The following LRRC4C variants were observed in gnomAD, a reference collection of about 807,000 sequenced individuals.
LRRC4C encodes leucine-rich repeat-containing protein 4C.
A neutral mutation model predicts 33.6 loss-of-function variants in LRRC4C; 5 were observed. The observed-to-expected ratio is 0.15, with a 90% CI of 0.08 to 0.31. LRRC4C has a LOEUF of 0.31. Among genes scored for constraint, LRRC4C ranks in the 10% least tolerant of loss-of-function variants. LRRC4C has a pLI of 1.00. For synonymous variants in LRRC4C, 329 were observed against 302.0 expected, an observed-to-expected ratio of 1.09 and a Z score of -0.93; for missense variants, 560 against 796.7, an observed-to-expected ratio of 0.70 and a Z score of 3.58.
chr11:40,459,472 C>T (rs866611824), intron 3 of LRRC4C, among the ~76,000 whole-genome samples: 1 of 152,146 alleles, frequency 6.6e-6, no homozygotes, highest in African/African-American at 2.4e-5. Context: ...AATGATATTA[C>T]AGACACTGCC....
intron 1 of LRRC4C, among the ~76,000 whole-genome samples, chr11:41,090,369 T>C (rs180757570): frequency 2.0e-5 from 3 of 152,288 alleles, no homozygotes; most frequent in South Asian, 4.1e-4. Context: ...GTTGTTTATT[T>C]TTGGTTTTAT....
intron 3 of LRRC4C, among the ~76,000 whole-genome samples, chr11:40,567,104 T>C (rs1957796701): frequency 6.6e-6 from 1 of 152,144 alleles, no homozygotes; most frequent in Admixed American, 6.5e-5. Flanking sequence ...TGAGTGTGTA[T>C]TATGTGGAAT....
rs371461809 is a variant in LRRC4C at position 40,122,952 on chromosome 11, T to TACACACAC, written c.-42-6626_-42-6619dup. Among the ~76,000 whole-genome samples, 464 of 140,388 alleles carry TACACACAC rather than the reference T, an allele frequency of 3.3e-3. 3 individuals carry two copies. The highest frequency in any genetic ancestry group is 0.013 in the South Asian group (52 of 4,138). 92.1% of individuals were successfully genotyped at this position (140,388 alleles called of 152,430 possible). ...AAGTGTATGTGTATATATATATTTATACACACACACACACACACACACACA... is the reference window on the plus strand; with the variant it reads ...AAGTGTATGTGTATATATATATTTATACACACACACACACACACACACACACACACACA... On this transcript the variant is annotated intron_variant, in intron 6 of 6. Coordinates refer to ENST00000528697, the MANE Select transcript of LRRC4C (RefSeq NM_001258419.2).
rs1375467295 is a variant in LRRC4C at position 40,311,727 on chromosome 11, A to G, written c.-176+7901T>C. On this transcript the variant is annotated intron_variant, in intron 4 of 6. Coordinates refer to ENST00000528697, the MANE Select transcript of LRRC4C (RefSeq NM_001258419.2). ...TTTGGGAGGCCGAGATGGGCGATAC[A>G]CAAGGTCAAGAGATCGAGACCATCC... is the stretch of plus-strand genomic sequence containing the variant. Among the ~76,000 whole-genome samples, 6 of 152,188 alleles carry G rather than the reference A, an allele frequency of 3.9e-5. No individual in the cohort carries two copies. In the East Asian group the frequency reaches 1.2e-3, roughly 30 times the overall value.
intron 1 of LRRC4C, among the ~76,000 whole-genome samples, chr11:41,011,041 G>C (rs1450947794): frequency 6.6e-6 from 1 of 151,882 alleles, no homozygotes. Flanking sequence ...GACCTCTTTG[G>C]GTATATACAC....
At chr11:41,015,314 T>C in intron 1 of LRRC4C, among the ~76,000 whole-genome samples, 1 of 152,310 alleles carries the variant, frequency 6.6e-6, no homozygotes, top group South Asian at 2.1e-4. Context: ...TTTATTTATA[T>C]ATTTTAAAAT....
intron 1 of LRRC4C, among the ~76,000 whole-genome samples, chr11:41,206,585 T>C (rs1481429171): frequency 2.0e-5 from 3 of 152,170 alleles, no homozygotes. Flanking sequence ...TATTTTCAAA[T>C]GCCCTTTGAG....
chr11:40,303,014 A>G (rs1454926902), intron 4 of LRRC4C, among the ~76,000 whole-genome samples: 1 of 152,308 alleles, frequency 6.6e-6, no homozygotes, highest in Non-Finnish European at 1.5e-5. Flanking sequence ...AGCCACATCA[A>G]GAATTATTAT....
chr11:40,263,293 G>A (rs10734480), intron 4 of LRRC4C, among the ~76,000 whole-genome samples: 106,121 of 151,972 alleles, frequency 0.7, 39,116 homozygotes, highest in East Asian at 0.92. Context: ...GTGTGACAGA[G>A]TTGCCTACAG....
intron 3 of LRRC4C, among the ~76,000 whole-genome samples, chr11:40,437,850 G>A (rs1951210342): frequency 2.6e-5 from 4 of 152,182 alleles, no homozygotes; most frequent in Admixed American, 2.6e-4. Flanking sequence ...TGGGACTACA[G>A]GCACATGCCA....
chr11:40,687,465 C>A (rs1945018729), intron 2 of LRRC4C, among the ~76,000 whole-genome samples: 1 of 151,888 alleles, frequency 6.6e-6, no homozygotes. Flanking sequence ...TGGTCATGAT[C>A]ATATTTTAAT....
chr11:40,650,418 G>A (rs1044327018), intron 2 of LRRC4C, among the ~76,000 whole-genome samples: 3 of 152,086 alleles, frequency 2.0e-5, no homozygotes, highest in Non-Finnish European at 4.4e-5. Context: ...TCCTAACAAG[G>A]AAAGTAACCT....
intron 2 of LRRC4C, among the ~76,000 whole-genome samples, chr11:40,872,231 A>T (rs956581222): frequency 1.3e-5 from 2 of 152,046 alleles, no homozygotes; most frequent in African/African-American, 4.8e-5. Context: ...CAAGCCTGCC[A>T]GCTACTCTGA....
intron 2 of LRRC4C, among the ~76,000 whole-genome samples, chr11:40,898,864 G>T (rs540360314): frequency 4.2e-4 from 64 of 151,918 alleles, no homozygotes; most frequent in Middle Eastern, 3.4e-3. Flanking sequence ...GCCATCATAA[G>T]CACAGACCTG....
intron 5 of LRRC4C, among the ~76,000 whole-genome samples, chr11:40,204,512 C>A (rs1448818578): frequency 6.6e-6 from 1 of 152,142 alleles, no homozygotes; most frequent in Non-Finnish European, 1.5e-5. Context: ...GACCTAGGAG[C>A]CATCTCTTTG....
chr11:40,837,676 CAA>C (rs139136576), intron 2 of LRRC4C, among the ~76,000 whole-genome samples: 73,085 of 108,828 alleles, frequency 0.67, 24,145 homozygotes, highest in East Asian at 0.82. Flanking sequence ...CCTGTCTCTT[CAA>C]AAAAAAAAAA....
At position 41,375,621 on chromosome 11, in the gene LRRC4C, T is replaced by C. The variant is rs190058441; in HGVS notation, c.-496+83810A>G. 1.4e-4 allele frequency among the ~76,000 whole-genome samples: 22 copies of C among 152,276 alleles called. No individual in the cohort carries two copies. The East Asian group carries it at 4.2e-3, about 29-fold the overall frequency. On this transcript the variant is annotated intron_variant, in intron 1 of 6. Coordinates refer to ENST00000528697, the MANE Select transcript of LRRC4C (RefSeq NM_001258419.2). ...ACATCTATCATAATATAAATATTAA[T>C]AGGGCACAGTTACTGCCTGGATCAC...
intron 2 of LRRC4C, among the ~76,000 whole-genome samples, chr11:40,738,813 A>T (rs1037609227): frequency 1.2e-4 from 18 of 151,960 alleles, no homozygotes; most frequent in African/African-American, 4.1e-4. Flanking sequence ...TTCCACCTTT[A>T]TTCTTATTGG....
At chr11:40,770,032 C>T (rs900402519) in intron 2 of LRRC4C, among the ~76,000 whole-genome samples, 10 of 151,946 alleles carry the variant, frequency 6.6e-5, no homozygotes, top group Middle Eastern at 3.2e-3. Flanking sequence ...AAAAAAATTC[C>T]GCACATCAAA....
Sources: allele counts gnomAD v4.1 joint callset (sites outside exome capture counted in the v4.1 genomes callset), GRCh38; gene constraint gnomAD v4.1.1; transcripts MANE v1.5; gene names NCBI Gene and HGNC (gene_info 2026-07-23, HGNC 2026-07-21).